Variants in USP34 observed in about 807,000 individuals in gnomAD.
USP34 encodes ubiquitin specific peptidase 34.
A neutral mutation model predicts 460.3 loss-of-function variants in USP34; 70 were observed. The ratio of observed to expected loss-of-function variants is 0.15; its 90% CI spans 0.13 to 0.19. USP34 has a LOEUF of 0.19. Ranked by LOEUF, USP34 falls within the 10% of genes least tolerant of loss-of-function variation. The pLI, the probability that USP34 is intolerant of heterozygous loss-of-function variation, is 1.00. For missense variants in USP34, 3,985 were observed against 4,236.2 expected (o/e 0.94, Z 1.65); for synonymous variants, 1,647 against 1,405.3 (o/e 1.17, Z -3.85).
chr2:61,395,483 A>G (rs1261062778), intron 3 of USP34, among the ~76,000 whole-genome samples: 1 of 152,190 alleles, frequency 6.6e-6, no homozygotes, highest in Non-Finnish European at 1.5e-5. Flanking sequence ...ACATTAAGTA[A>G]TCTTGCCTTA....
intron 27 of USP34, among the ~76,000 whole-genome samples, chr2:61,307,672 T>C (rs1224513425): frequency 6.6e-6 from 1 of 152,110 alleles, no homozygotes; most frequent in Non-Finnish European, 1.5e-5. Context: ...AGAGAAACTT[T>C]TTTCTAGACA....
chr2:61,449,015 G>A (rs1003436349), intron 1 of USP34, among the ~76,000 whole-genome samples: 2 of 152,096 alleles, frequency 1.3e-5, no homozygotes, highest in Non-Finnish European at 2.9e-5. Flanking sequence ...TTAGCAAGGT[G>A]TGGTGGCGCA....
At chr2:61,202,436 G>T (rs1313939572) in intron 75 of USP34, among the ~76,000 whole-genome samples, 1 of 152,156 alleles carries the variant, frequency 6.6e-6, no homozygotes, top group Non-Finnish European at 1.5e-5. Flanking sequence ...GAAGTCCTGA[G>T]ATAGAGGACC....
intron 22 of USP34, among the ~76,000 whole-genome samples, chr2:61,317,970 T>C (rs998488172): frequency 1.3e-5 from 2 of 152,076 alleles, no homozygotes; most frequent in Non-Finnish European, 2.9e-5. Flanking sequence ...GGCAGGCAGA[T>C]CGCTTGAGCT....
At chr2:61,345,672 T>C (rs1381770872) in intron 15 of USP34, among the ~76,000 whole-genome samples, 5 of 152,210 alleles carry the variant, frequency 3.3e-5, no homozygotes, top group Non-Finnish European at 7.3e-5. Context: ...TCTCATTCTA[T>C]TGCCCAGGCT....
At chr2:61,463,888 A>T (rs1695681544) in intron 1 of USP34, among the ~76,000 whole-genome samples, 1 of 152,034 alleles carries the variant, frequency 6.6e-6, no homozygotes, top group African/African-American at 2.4e-5. Flanking sequence ...TGGTTCCACC[A>T]AACAGTCACA....
chr2:61,304,082 G>A (rs1319370031), intron 27 of USP34, among the ~76,000 whole-genome samples: 1 of 152,044 alleles, frequency 6.6e-6, no homozygotes, highest in African/African-American at 2.4e-5. Context: ...ATTTTTAGTA[G>A]AGACAGGGTT....
chr2:61,351,732 A>G (rs2103787406), intron 10 of USP34, among the ~76,000 whole-genome samples: 1 of 152,320 alleles, frequency 6.6e-6, no homozygotes, highest in Middle Eastern at 3.4e-3. Context: ...GGTGAAATAC[A>G]TGTAAGAAAA....
chr2:61,421,797 ACG>A (rs374251365), intron 1 of USP34, among the ~76,000 whole-genome samples: 82 of 147,396 alleles, frequency 5.6e-4, no homozygotes, highest in Middle Eastern at 3.6e-3. Context: ...ACACACACAC[ACG>A]CGCGCGCGCG....
At chr2:61,393,596 C>T (rs1021911066) in intron 5 of USP34, among the ~76,000 whole-genome samples, 4 of 152,096 alleles carry the variant, frequency 2.6e-5, no homozygotes, top group Non-Finnish European at 5.9e-5. Context: ...CAATGTACCG[C>T]ATCACTGCAA....
intron 67 of USP34, among the ~76,000 whole-genome samples, chr2:61,217,828 G>A (rs1047833421): frequency 6.6e-6 from 1 of 152,084 alleles, no homozygotes; most frequent in Non-Finnish European, 1.5e-5. Context: ...GGTGGTGGGT[G>A]CCTGTAATCC....
chr2:61,303,946 G>A (rs1210154135), intron 27 of USP34, among the ~76,000 whole-genome samples: 1 of 152,140 alleles, frequency 6.6e-6, no homozygotes, highest in Non-Finnish European at 1.5e-5. Context: ...CGCCCAGGCT[G>A]GAGTGCAATG....
At chr2:61,431,060 G>T (rs1694662656) in intron 1 of USP34, among the ~76,000 whole-genome samples, 1 of 152,032 alleles carries the variant, frequency 6.6e-6, no homozygotes, top group Non-Finnish European at 1.5e-5. Context: ...GAAAACTAAA[G>T]AAATTTACAC....
chr2:61,271,384 T>C (rs182819548), intron 41 of USP34, among the ~76,000 whole-genome samples: 6 of 152,352 alleles, frequency 3.9e-5, no homozygotes, highest in African/African-American at 1.4e-4. Context: ...TTTATTTCCA[T>C]GAAGTATAAA....
At chr2:61,307,274 T>A (rs188526368) in intron 27 of USP34, among the ~76,000 whole-genome samples, 14 of 130,774 alleles carry the variant, frequency 1.1e-4, no homozygotes, top group African/African-American at 3.8e-4. Context: ...ATGAGAACAC[T>A]TGGACACAAG....
chr2:61,405,753 A>T lies in USP34; in HGVS notation c.507T>A (p.Phe169Leu), dbSNP rs1693852832. The T allele has an allele frequency of 5.0e-6, 8 of 1,597,522 alleles. No homozygotes were observed. The highest frequency in any genetic ancestry group is 1.8e-5 in the Admixed American group (1 of 56,578). Reference sequence around the variant, plus strand: ...TATGCTTGTAAGCAGTATATAAGGGAAACTGAATTTGAAAAATTTTTGCCA... The same window carrying T: ...TATGCTTGTAAGCAGTATATAAGGGTAACTGAATTTGAAAAATTTTTGCCA... ...LCVAKIFQIQ[F>L]PLYTAYKHNT... The change falls in exon 3 of 80, where the codon TTT becomes TTA. Residue 169 changes from phenylalanine to leucine, a missense_variant. Physicochemically the swap from Phe to Leu is conservative, Grantham distance 22. Coordinates refer to ENST00000398571, the MANE Select transcript of USP34 (RefSeq NM_014709.4).
chr2:61,189,598 T>C (rs1558456018), intron 78 of USP34: 2 of 152,484 alleles, frequency 1.3e-5, no homozygotes, highest in African/African-American at 4.8e-5. Context: ...AAGTCACTAA[T>C]AGCATTATTT....
intron 75 of USP34, among the ~76,000 whole-genome samples, chr2:61,201,697 G>A (rs1023991456): frequency 2.6e-5 from 4 of 152,126 alleles, no homozygotes; most frequent in African/African-American, 4.8e-5. Context: ...CTGAAAGTGT[G>A]CACTTGGGTT....
rs565929273 is a variant in USP34 at position 61,442,193 on chromosome 2, G to A, written c.44-21360C>T. Among the ~76,000 whole-genome samples, 6 of 152,098 alleles carry A rather than the reference G, an allele frequency of 3.9e-5. No individual in the cohort carries two copies. In the East Asian group the frequency reaches 5.8e-4, roughly 15 times the overall value. ...AACAGGGGAAATGCTTCAGGACATCGGTCTGGGAAAAGATTTTATGAATAA... is the reference window on the plus strand; with the variant it reads ...AACAGGGGAAATGCTTCAGGACATCAGTCTGGGAAAAGATTTTATGAATAA... On this transcript the variant is annotated intron_variant, in intron 1 of 79. Transcript: ENST00000398571.
Sources: allele counts gnomAD v4.1 joint callset (sites outside exome capture counted in the v4.1 genomes callset), GRCh38; gene constraint gnomAD v4.1.1; transcripts MANE v1.5; gene names NCBI Gene and HGNC (gene_info 2026-07-23, HGNC 2026-07-21).